Variants in PRMT8 observed in about 807,000 individuals in gnomAD.
The protein encoded by PRMT8 is protein arginine methyltransferase 8.
Under a neutral mutation model 47.1 loss-of-function variants are expected in PRMT8, and 7 were observed. The ratio of observed to expected loss-of-function variants is 0.15; its 90% CI spans 0.08 to 0.28. The LOEUF (loss-of-function observed/expected upper bound fraction) is 0.28, where lower values mean the gene tolerates loss of function less well. PRMT8 is among the 10% of genes least tolerant of loss of function. The pLI, the probability that PRMT8 is intolerant of heterozygous loss-of-function variation, is 1.00. For synonymous variants in PRMT8, 188 were observed against 186.5 expected (o/e 1.01, Z -0.07); for missense variants, 237 against 505.4 (o/e 0.47, Z 5.09).
At position 3,492,903 on chromosome 12, in the gene PRMT8, CG is replaced by C; in HGVS notation, c.75+1209del. On this transcript the variant is annotated intron_variant, in intron 1 of 9. Transcript: ENST00000382622. This position sits in a 1 kb window ranked among gnomAD's most constrained non-coding sequence, Gnocchi z 7.5. Reference sequence around the variant, plus strand: ...TTCACATATGGTTACCCATATGCAGCGGGGGGCGGGGATGGGGGTGTGGCGC... The same window carrying C: ...TTCACATATGGTTACCCATATGCAGCGGGGGCGGGGATGGGGGTGTGGCGC... Among the ~76,000 whole-genome samples the C allele has an allele frequency of 6.8e-6, 1 of 147,192 alleles. No individual in the cohort carries two copies. Among genetic ancestry groups the C allele is most frequent in the East Asian group, 2.1e-4 (1 of 4,878 alleles).
Position 3,583,424 on chromosome 12 carries a change from T to C in PRMT8, c.979+216T>C, listed in dbSNP as rs1867110524. 6.6e-6 allele frequency among the ~76,000 whole-genome samples: 1 copy of C among 152,156 alleles called. No individual in the cohort carries two copies. Among genetic ancestry groups the C allele is most frequent in the Admixed American group, 6.5e-5 (1 of 15,278 alleles). On this transcript the variant is annotated intron_variant, in intron 8 of 9. Coordinates refer to ENST00000382622, the MANE Select transcript of PRMT8 (RefSeq NM_019854.5). The surrounding 1 kb of genome is among the most constrained non-coding windows in gnomAD (Gnocchi z 4.7). Reference sequence around the variant, plus strand: ...AATGTTGTGGTTGTTACAGCACAAGTTGAGAGTGTGTTGGATGAGGGAGAG... The same window carrying C: ...AATGTTGTGGTTGTTACAGCACAAGCTGAGAGTGTGTTGGATGAGGGAGAG...
At chr12:3,400,822 G>T (rs574696578) in intron 1 of PRMT8, among the ~76,000 whole-genome samples, 2 of 152,302 alleles carry the variant, frequency 1.3e-5, no homozygotes, top group Admixed American at 1.3e-4. Flanking sequence ...GATCAAGTTG[G>T]TTTCATCCCT....
At chr12:3,518,172 A>G (rs1219315101) in intron 1 of PRMT8, among the ~76,000 whole-genome samples, 1 of 152,178 alleles carries the variant, frequency 6.6e-6, no homozygotes, top group African/African-American at 2.4e-5. Context: ...GGAAAGTCGG[A>G]GGAAGAGGAA....
chr12:3,553,118 G>T lies in PRMT8; in HGVS notation c.418-533G>T, dbSNP rs770827106. 90 of 202,522 alleles carry T rather than the reference G, an allele frequency of 4.4e-4. 1 individual carries two copies. The highest frequency in any genetic ancestry group is 2.2e-3 in the Admixed American group (41 of 18,674). The allele number at this position is 202,522 out of a possible 1,614,324, so 12.5% of individuals were successfully genotyped here. A position where few individuals can be genotyped will look rare whatever the true frequency, so the allele number is the denominator to read the frequency against. ...GAATAATTTCTTTCAAAGATGAAGC[G>T]GCGAGAGCTAACGTGGGGGGTGGGA... On this transcript the variant is annotated intron_variant, in intron 3 of 9. Coordinates refer to ENST00000382622, the MANE Select transcript of PRMT8 (RefSeq NM_019854.5).
intron 1 of PRMT8, among the ~76,000 whole-genome samples, chr12:3,474,318 T>C (rs543074974): frequency 4.6e-5 from 7 of 152,300 alleles, no homozygotes; most frequent in African/African-American, 1.4e-4. Context: ...TGTGTTTTTT[T>C]GTGTATAATG....
chr12:3,533,347 A>G (rs1384264296), intron 1 of PRMT8, among the ~76,000 whole-genome samples: 1 of 152,242 alleles, frequency 6.6e-6, no homozygotes, highest in East Asian at 1.9e-4. Flanking sequence ...CAACACCTAG[A>G]TCAAGCTTGT....
intron 7 of PRMT8, among the ~76,000 whole-genome samples, chr12:3,581,328 G>A (rs1158709371): frequency 6.6e-6 from 1 of 152,154 alleles, no homozygotes; most frequent in Non-Finnish European, 1.5e-5. Context: ...CACACATTTG[G>A]CTTCTTCTGT....
In PRMT8 at chr12:3,441,160, AAAT is replaced by A. The variant is rs558377719; in HGVS notation, c.48+59723_48+59725del. ...GCAAATTCTACCACATTGCTCTCAC[AAAT>A]AATATGATTACAGATAATATTTTAA... is the stretch of plus-strand genomic sequence containing the variant. On this transcript the variant is annotated intron_variant, in intron 1 of 9. Coordinates refer to the PRMT8 transcript ENST00000452611. Among the ~76,000 whole-genome samples, 394 of 152,364 alleles carry A rather than the reference AAAT, an allele frequency of 2.6e-3. 2 individuals carry two copies. Among genetic ancestry groups the A allele is most frequent in the African/African-American group, 9.0e-3 (374 of 41,578 alleles).
At chr12:3,424,278 ACTAGCT>A (rs1864577006) in intron 1 of PRMT8, among the ~76,000 whole-genome samples, 1 of 152,144 alleles carries the variant, frequency 6.6e-6, no homozygotes, top group Non-Finnish European at 1.5e-5. Context: ...ATTGGTTATT[ACTAGCT>A]CTAAGGGGTT....
intron 1 of PRMT8, among the ~76,000 whole-genome samples, chr12:3,413,390 A>G (rs866523807): frequency 7.9e-5 from 12 of 152,206 alleles, no homozygotes; most frequent in African/African-American, 2.9e-4. Context: ...TTCTTTGATA[A>G]ATTACCCAGT....
At position 3,491,416 on chromosome 12, in the gene PRMT8, A is replaced by C; in HGVS notation, c.-210A>C. 1.5e-6 allele frequency: 2 copies of C among 1,324,892 alleles called. No homozygotes were observed. Among genetic ancestry groups the C allele is most frequent in the East Asian group, 2.9e-5 (1 of 34,836 alleles). The allele number at this position is 1,324,892 out of a possible 1,614,324, so 82.1% of individuals were successfully genotyped here. ...GAAGAACTTGAAACCGTGTGAAGGA[A>C]TCCGGAGCAGATGAGAAGGGAGGAA... On this transcript the variant is annotated 5_prime_UTR_variant, in exon 1 of 10. Transcript: ENST00000382622.
At chr12:3,588,903 G>A (rs1007712164) in intron 8 of PRMT8, among the ~76,000 whole-genome samples, 5 of 152,122 alleles carry the variant, frequency 3.3e-5, no homozygotes, top group Non-Finnish European at 7.4e-5. Context: ...GGAAGGGAAA[G>A]CTTTCCTCCC....
intron 1 of PRMT8, among the ~76,000 whole-genome samples, chr12:3,449,502 T>G (rs1864895494): frequency 6.6e-6 from 1 of 152,240 alleles, no homozygotes; most frequent in African/African-American, 2.4e-5. Context: ...GTTGAGCTTT[T>G]TTTCATATGT....
rs756205618 is a variant in PRMT8 at position 3,540,631 on chromosome 12, C to A, written c.101C>A (p.Pro34His). 7.0e-6 allele frequency: 11 copies of A among 1,577,176 alleles called. No homozygotes were observed. The Admixed American group carries it at 1.2e-4, about 17-fold the overall frequency. ...GTGAACAGCCCCCCCTCCCAGCCCC[C>A]CCAGCCCGTCGTCCCTGCTAAGCCC... ...TEVNSPPSQPPQPVVPAKPVQ... is the reference protein window; with the variant it reads ...TEVNSPPSQPHQPVVPAKPVQ... The change falls in exon 2 of 10, where the codon CCC becomes CAC. Residue 34 changes from proline (P) to histidine (H), a missense_variant. By Grantham distance (77) the Pro-to-His change is moderately conservative (BLOSUM62 -2). This residue lies in a region of PRMT8 where 43 missense variants were observed against 32.4 expected (regional missense o/e 1.33). Transcript: ENST00000382622.
At chr12:3,551,536 T>C (rs1866421821) in intron 3 of PRMT8, 1 of 152,220 alleles carries the variant, frequency 6.6e-6, no homozygotes, top group African/African-American at 2.4e-5. Flanking sequence ...GGGCTGAGCA[T>C]GGTGTCCCTG....
chr12:3,540,560 A>T (rs1848258678), intron 1 of PRMT8, 46 bp from the exon 2 acceptor site: 1 of 1,307,406 alleles, frequency 7.6e-7, no homozygotes, highest in Non-Finnish European at 1.1e-6. Context: ...CGAGGGCGGG[A>T]CCCCGTTGTC....
At chr12:3,567,344 T>G (rs1326523625) in intron 4 of PRMT8, among the ~76,000 whole-genome samples, 2 of 152,238 alleles carry the variant, frequency 1.3e-5, no homozygotes, top group Non-Finnish European at 2.9e-5. Flanking sequence ...GATCTGGCAC[T>G]TAAACCTAGG....
At position 3,407,936 on chromosome 12, in the gene PRMT8, T is replaced by C. The variant is rs374593419; in HGVS notation, c.48+26494T>C. On this transcript the variant is annotated intron_variant, in intron 1 of 9. Transcript: ENST00000452611. ...CCATTGTACTTTTCATTTCATTCACTGAATTCTTCAGTTTCAGGATTTCTG... is the reference window on the plus strand; with the variant it reads ...CCATTGTACTTTTCATTTCATTCACCGAATTCTTCAGTTTCAGGATTTCTG... 6.6e-5 allele frequency among the ~76,000 whole-genome samples: 10 copies of C among 152,246 alleles called. No individual in the cohort carries two copies. In the South Asian group the frequency reaches 2.1e-3, roughly 32 times the overall value.
chr12:3,477,977 G>T (rs4766129), intron 1 of PRMT8, among the ~76,000 whole-genome samples: 115,342 of 152,050 alleles, frequency 0.76, 44,004 homozygotes, highest in Middle Eastern at 0.86. Flanking sequence ...GGATGTAACT[G>T]CTGGCTAGGG....
Sources: gnomAD v4.1 joint callset for allele counts (sites outside exome capture counted in the v4.1 genomes callset) on GRCh38, gnomAD v4.1.1 for gene constraint, gnomAD v4.1.1 regional missense constraint, Gnocchi (gnomAD v3.1) non-coding constraint, MANE v1.5 for transcripts, NCBI Gene and HGNC (gene_info 2026-07-23, HGNC 2026-07-21) for gene names.